The following FREM2 variants were observed in gnomAD, a reference collection of about 807,000 sequenced individuals.
FREM2 encodes the protein FRAS1 related extracellular matrix 2, also known as FRAS1-related extracellular matrix protein 2.
In FREM2, 119 loss-of-function variants were observed where a neutral mutation model predicts 219.9. The observed-to-expected ratio is 0.54, with a 90% CI of 0.47 to 0.63. The LOEUF is 0.63. Among genes scored for constraint, FREM2 ranks in the 30% least tolerant of loss-of-function variants. FREM2 has a pLI of 0.00. For missense variants in FREM2, 4,030 were observed against 3,993.6 expected, an observed-to-expected ratio of 1.01 and a Z score of -0.25; for synonymous variants, 1,562 against 1,522.8, an observed-to-expected ratio of 1.03 and a Z score of -0.60.
intron 2 of FREM2, among the ~76,000 whole-genome samples, chr13:38,761,688 T>C (rs1295495849): frequency 6.6e-6 from 1 of 151,746 alleles, no homozygotes; most frequent in Non-Finnish European, 1.5e-5. Flanking sequence ...CACAAAGACA[T>C]GAAAGGGCTG....
chr13:38,852,962 TCC>T (rs1270725767), intron 11 of FREM2, among the ~76,000 whole-genome samples: 9 of 151,910 alleles, frequency 5.9e-5, no homozygotes, highest in African/African-American at 1.9e-4. Context: ...CACCTTGTCC[TCC>T]CAAAGTGCTT....
chr13:38,695,687 G>C (rs900940804), intron 1 of FREM2, among the ~76,000 whole-genome samples: 4 of 152,098 alleles, frequency 2.6e-5, no homozygotes, highest in African/African-American at 9.7e-5. Flanking sequence ...AGAGTTTACT[G>C]CATTTTTTTA....
intron 4 of FREM2, chr13:38,779,329 G>A (rs1301858132): frequency 6.6e-6 from 1 of 151,772 alleles, no homozygotes; most frequent in African/African-American, 2.4e-5. Flanking sequence ...AACCACCATC[G>A]CCCATGTATA....
chr13:38,838,705 T>G (rs2137896809), intron 6 of FREM2, among the ~76,000 whole-genome samples: 1 of 152,340 alleles, frequency 6.6e-6, no homozygotes, highest in African/African-American at 2.4e-5. Context: ...TTTATTTCAT[T>G]AAGTTGATCT....
Position 38,707,439 on chromosome 13 carries a change from G to C in FREM2, c.5263+9652G>C, listed in dbSNP as rs115051435. 4.0e-3 allele frequency among the ~76,000 whole-genome samples: 607 copies of C among 152,200 alleles called. 5 individuals are homozygous for C. Among genetic ancestry groups the C allele is most frequent in the African/African-American group, 0.014 (584 of 41,512 alleles). ...AGCTTAGAAAATAGCAGCCTTCATG[G>C]TAGCTTTTGATGAAGGAAGTGAGGA... On this transcript the variant is annotated intron_variant, in intron 2 of 23. Coordinates refer to ENST00000280481, the MANE Select transcript of FREM2 (RefSeq NM_207361.6).
At chr13:38,849,584 T>G (rs2137909916) in intron 8 of FREM2, among the ~76,000 whole-genome samples, 1 of 152,286 alleles carries the variant, frequency 6.6e-6, no homozygotes, top group East Asian at 1.9e-4. Context: ...TCTCACCTAT[T>G]GTCAATGAGC....
chr13:38,798,106 G>C (rs141402183), intron 6 of FREM2, among the ~76,000 whole-genome samples: 214 of 152,064 alleles, frequency 1.4e-3, no homozygotes, highest in African/African-American at 4.9e-3. Context: ...CGTTAGCTGT[G>C]GGTTTGTTAT....
rs115327344 is a variant in FREM2 at position 38,687,520 on chromosome 13, G to A, written c.176G>A (p.Gly59Asp). ...AAFGRALLSP[G>D]LAGAAGVPAE... ...TTCGGCAGGGCGTTGCTGTCCCCTG[G>A]TCTCGCGGGGGCTGCAGGGGTCCCT... Residue 59 changes from glycine (G) to aspartate (D), a missense_variant, in exon 1 of 24, where the codon GGT becomes GAT. Around this residue, in one of 2 missense-constraint regions of FREM2, gnomAD observed 3,102 missense variants for 2,950.7 expected, o/e 1.05. Transcript: ENST00000280481. The A allele has an allele frequency of 7.4e-4, 1,188 of 1,598,544 alleles. 12 individuals carry two copies. The African/African-American group carries it at 0.014, about 19-fold the overall frequency.
intron 4 of FREM2, among the ~76,000 whole-genome samples, chr13:38,773,460 A>C (rs1049500700): frequency 5.3e-5 from 8 of 152,086 alleles, no homozygotes; most frequent in African/African-American, 1.9e-4. Flanking sequence ...GAGCTATCAT[A>C]GCTTGCTGCA....
chr13:38,783,331 T>C (rs1470292659), intron 5 of FREM2, 136 bp downstream of exon 5: 1 of 968,356 alleles, frequency 1.0e-6, no homozygotes, highest in East Asian at 2.5e-5. Flanking sequence ...AGGATTTATT[T>C]AGAAGTCTTT....
intron 9 of FREM2, among the ~76,000 whole-genome samples, chr13:38,850,733 C>G (rs1877337431): frequency 6.6e-6 from 1 of 152,184 alleles, no homozygotes; most frequent in Non-Finnish European, 1.5e-5. Flanking sequence ...CAAAGAAATT[C>G]CCCATACGAA....
In FREM2 at chr13:38,883,103, A is replaced by C. The variant is rs577827396; in HGVS notation, c.*2316A>C. 1 of 152,084 alleles carries C rather than the reference A, an allele frequency of 6.6e-6. No individual in the cohort carries two copies. The highest frequency in any genetic ancestry group is 1.5e-5 in the Non-Finnish European group (1 of 68,010). 9.4% of individuals were successfully genotyped at this position (152,084 alleles called of 1,614,324 possible). ...AAATATTTATCCTTCTCTGTCCTCTATTCTCTTACTCTCCTCTCTCCCTTT... is the reference window on the plus strand; with the variant it reads ...AAATATTTATCCTTCTCTGTCCTCTCTTCTCTTACTCTCCTCTCTCCCTTT... On this transcript the variant is annotated 3_prime_UTR_variant, in exon 24 of 24. Transcript: ENST00000280481.
chr13:38,733,508 G>T (rs1351555888), intron 2 of FREM2, among the ~76,000 whole-genome samples: 3 of 151,966 alleles, frequency 2.0e-5, no homozygotes, highest in African/African-American at 4.8e-5. Flanking sequence ...AATGTTGGTT[G>T]CAACTTACCC....
intron 2 of FREM2, among the ~76,000 whole-genome samples, chr13:38,763,464 C>CTTTTTTTTTTTTTTTTTTTTTTTTTTT (rs1163604743): frequency 2.9e-5 from 3 of 102,348 alleles, no homozygotes; most frequent in Middle Eastern, 7.0e-3. Context: ...GTTACTTGGG[C>CTTTTTTTTTTTTTTTTTTTTTTTTTTT]TTTTTTTTTT....
chr13:38,687,170 G>T lies in FREM2; in HGVS notation c.-175G>T, dbSNP rs1438210380. 6 of 878,568 alleles carry T rather than the reference G, an allele frequency of 6.8e-6. No individual in the cohort carries two copies. Among genetic ancestry groups the T allele is most frequent in the South Asian group, 1.7e-5 (1 of 59,114 alleles). 54.4% of individuals were successfully genotyped at this position (878,568 alleles called of 1,614,324 possible). On this transcript the variant is annotated 5_prime_UTR_variant, in exon 1 of 24. Transcript: ENST00000280481. The stretch of plus-strand genomic sequence containing the variant: ...CTTCGGCTCCTCGGCTGCGGCTCCA[G>T]CCCGGACGGCGCCGCGCAACTTTGC...
At chr13:38,840,432 T>A (rs1168341299) in intron 6 of FREM2, among the ~76,000 whole-genome samples, 1 of 150,692 alleles carries the variant, frequency 6.6e-6, no homozygotes, top group Non-Finnish European at 1.5e-5. Flanking sequence ...CTTTTTTTTT[T>A]TTTTTTTAAT....
intron 6 of FREM2, among the ~76,000 whole-genome samples, chr13:38,846,348 G>A (rs530246800): frequency 4.8e-4 from 73 of 152,034 alleles, no homozygotes; most frequent in Non-Finnish European, 9.0e-4. Flanking sequence ...CTCAAGATGA[G>A]AATGTTTTAT....
chr13:38,883,919 C>T lies in FREM2; in HGVS notation c.*3132C>T, dbSNP rs763770167. ...AAACCAGTAACTTAGTAAAATTGACCTTCGCAAAACCTCACTGGGGGAGTG... is the reference window on the plus strand; with the variant it reads ...AAACCAGTAACTTAGTAAAATTGACTTTCGCAAAACCTCACTGGGGGAGTG... On this transcript the variant is annotated 3_prime_UTR_variant, in exon 24 of 24. Coordinates refer to ENST00000280481, the MANE Select transcript of FREM2 (RefSeq NM_207361.6). 17 of 152,138 alleles carry T rather than the reference C, an allele frequency of 1.1e-4. No individual in the cohort carries two copies. Among genetic ancestry groups the T allele is most frequent in the Non-Finnish European group, 1.8e-4 (12 of 68,030 alleles). 9.4% of individuals were successfully genotyped at this position (152,138 alleles called of 1,614,324 possible).
At chr13:38,853,829 C>T (rs1453147046) in intron 11 of FREM2, among the ~76,000 whole-genome samples, 4 of 152,094 alleles carry the variant, frequency 2.6e-5, no homozygotes, top group African/African-American at 4.8e-5. Flanking sequence ...GCAGATTTTA[C>T]ATGAAAGAAG....
Sources: allele counts gnomAD v4.1 joint callset (sites outside exome capture counted in the v4.1 genomes callset), GRCh38; gene constraint gnomAD v4.1.1; regional missense constraint gnomAD v4.1.1; transcripts MANE v1.5; gene names NCBI Gene and HGNC (gene_info 2026-07-23, HGNC 2026-07-21).